Variants in BCORL1 observed in about 807,000 individuals in gnomAD.
BCORL1 encodes BCL6 corepressor like 1.
BCORL1 carries 7 observed loss-of-function variants against 87.6 expected under a neutral mutation model. The observed-to-expected ratio is 0.08, with a 90% CI of 0.05 to 0.15. The LOEUF (loss-of-function observed/expected upper bound fraction) is 0.15, where lower values mean the gene tolerates loss of function less well. Among genes scored for constraint, BCORL1 ranks in the 10% least tolerant of loss-of-function variants. The pLI, the probability that BCORL1 is intolerant of heterozygous loss-of-function variation, is 1.00. For missense variants in BCORL1, 1,215 were observed against 1,499.7 expected (o/e 0.81, Z 3.13); for synonymous variants, 591 against 634.4 (o/e 0.93, Z 1.03).
intron 13 of BCORL1, among the ~76,000 whole-genome samples, chrX:130,054,820 A>G (rs1339415224): frequency 9.0e-6 from 1 of 111,280 alleles, no homozygotes; most frequent in Non-Finnish European, 1.9e-5. Context: ...CTGAGACAGG[A>G]GAATTGCTTG....
upstream of BCORL1, among the ~76,000 whole-genome samples, chrX:129,980,375 G>A (rs1049602000): frequency 2.6e-5 from 3 of 113,224 alleles, no homozygotes; most frequent in African/African-American, 9.6e-5. Flanking sequence ...ACAGCGGCCG[G>A]GGGCTCTGCC....
At chrX:129,995,007 T>C (rs1345434762) in intron 1 of BCORL1, among the ~76,000 whole-genome samples, 1 of 110,559 alleles carries the variant, frequency 9.0e-6, no homozygotes, top group Non-Finnish European at 1.9e-5. Context: ...TCTATGGGAC[T>C]TCTTTTTTTT....
chrX:129,999,692 C>T (rs375551193), intron 1 of BCORL1, among the ~76,000 whole-genome samples: 3 of 102,441 alleles, frequency 2.9e-5, no homozygotes, highest in South Asian at 9.5e-4. Context: ...TTTCCCCCCC[C>T]CCAGACAGAG....
intron 9 of BCORL1, among the ~76,000 whole-genome samples, 158 bp from the exon 10 acceptor site, chrX:130,037,209 A>G (rs1931005142): frequency 9.0e-6 from 1 of 111,325 alleles, no homozygotes; most frequent in African/African-American, 3.3e-5. Flanking sequence ...ATTGTGGCTC[A>G]GGACTGATGT....
intron 1 of BCORL1, among the ~76,000 whole-genome samples, chrX:130,002,473 G>A (rs1928127952): frequency 1.0e-5 from 1 of 96,970 alleles, no homozygotes; most frequent in South Asian, 5.9e-4. Flanking sequence ...AGACTAGGAG[G>A]AAAAGAGACA....
intron 1 of BCORL1, among the ~76,000 whole-genome samples, chrX:130,002,991 A>T (rs757357453): frequency 9.1e-6 from 1 of 109,784 alleles, no homozygotes; most frequent in Non-Finnish European, 1.9e-5. Flanking sequence ...AAGACAAGAG[A>T]AGGGAGAGAA....
chrX:130,014,797 T>C lies in BCORL1; in HGVS notation c.2025T>C (p.Asn675=), dbSNP rs143241923. Residue 675 remains asparagine (N), a synonymous_variant, in exon 4 of 14, where the codon AAT becomes AAC. Coordinates refer to ENST00000540052, the MANE Select transcript of BCORL1 (RefSeq NM_001379451.1). The part of the protein sequence containing the change: ...SQRTTQAAGG[N]VTSCLGSTSS... ...GCACAACCCAGGCTGCCGGTGGCAA[T>C]GTCACCTCCTGCCTGGGCTCCACTT... 1.7e-4 allele frequency: 203 copies of C among 1,209,184 alleles called. 1 individual carries two copies. In the African/African-American group the frequency reaches 3.2e-3, roughly 19 times the overall value.
At chrX:130,040,130 A>G (rs1371788334) in intron 11 of BCORL1, among the ~76,000 whole-genome samples, 1 of 112,119 alleles carries the variant, frequency 8.9e-6, no homozygotes, top group Middle Eastern at 4.2e-3. Flanking sequence ...TGGGAGTTGT[A>G]TCTCTGAACC....
intron 13 of BCORL1, among the ~76,000 whole-genome samples, chrX:130,053,108 C>T (rs1299916427): frequency 8.9e-6 from 1 of 111,973 alleles, no homozygotes; most frequent in Non-Finnish European, 1.9e-5. Flanking sequence ...TGCTACACTC[C>T]AGCCTGGGCG....
chrX:130,053,994 T>C (rs1932216085), intron 13 of BCORL1, among the ~76,000 whole-genome samples: 1 of 111,981 alleles, frequency 8.9e-6, no homozygotes, highest in Admixed American at 9.5e-5. Context: ...GGGATAAGGA[T>C]CGTGGGTCTG....
chrX:130,053,199 G>A (rs1932170096), intron 13 of BCORL1, among the ~76,000 whole-genome samples: 1 of 111,731 alleles, frequency 9.0e-6, no homozygotes. Context: ...AGGATGGGGA[G>A]CTAGGTAGAC....
rs1233257874 is a variant in BCORL1 at position 130,056,038 on chromosome X, C to T, written c.5260C>T (p.Pro1754Ser). ...ERPGGLDDRS[P>S]PGSSETVELV... ...GCCTGGAGGCTTGGACGACAGATCC[C>T]CCCCAGGCTCCTCTGAGACTGTGGA... Residue 1754 changes from proline to serine, a missense_variant, in exon 14 of 14, where the codon CCC (proline) becomes TCC (serine). Coordinates refer to ENST00000540052, the MANE Select transcript of BCORL1 (RefSeq NM_001379451.1). 8.3e-7 allele frequency: 1 copy of T among 1,212,053 alleles called. No individual in the cohort carries two copies. The highest frequency in any genetic ancestry group is 1.1e-6 in the Non-Finnish European group (1 of 895,489).
At chrX:130,003,905 T>C (rs1365987595) in intron 1 of BCORL1, among the ~76,000 whole-genome samples, 1 of 111,676 alleles carries the variant, frequency 9.0e-6, no homozygotes, top group Non-Finnish European at 1.9e-5. Flanking sequence ...CTCTGAAAAT[T>C]GAAAAATGGA....
At chrX:130,024,849 T>C (rs1248673158) in intron 6 of BCORL1, 141 bp from the exon 7 acceptor site, 1 of 904,837 alleles carries the variant, frequency 1.1e-6, no homozygotes, top group Non-Finnish European at 1.5e-6. Flanking sequence ...GAAGGAACTT[T>C]CCCGAACGGT....
At chrX:130,036,782 G>T (rs746463754) in intron 9 of BCORL1, among the ~76,000 whole-genome samples, 30 of 111,989 alleles carry the variant, frequency 2.7e-4, no homozygotes, top group Non-Finnish European at 4.3e-4. Flanking sequence ...AGCTCTGGGC[G>T]GGCAGGTCAG....
At chrX:130,027,717 C>T (rs1359039266) in intron 7 of BCORL1, among the ~76,000 whole-genome samples, 1 of 112,362 alleles carries the variant, frequency 8.9e-6, no homozygotes, top group Non-Finnish European at 1.9e-5. Context: ...ATTTAATTCT[C>T]ATACCACTCT....
intron 1 of BCORL1, among the ~76,000 whole-genome samples, chrX:129,990,452 C>T (rs1395764983): frequency 9.1e-6 from 1 of 109,509 alleles, no homozygotes; most frequent in Admixed American, 9.7e-5. Context: ...AGGATGGTCT[C>T]AATCTCCTCA....
chrX:130,050,552 TCTGA>T (rs1219351999), intron 11 of BCORL1, among the ~76,000 whole-genome samples, 161 bp from the exon 12 acceptor site: 3 of 111,419 alleles, frequency 2.7e-5, no homozygotes, highest in East Asian at 2.8e-4. Flanking sequence ...GTTGGCAGTC[TCTGA>T]CTGAGAACAG....
At chrX:130,001,730 G>T (rs1336361990) in intron 1 of BCORL1, among the ~76,000 whole-genome samples, 1 of 109,990 alleles carries the variant, frequency 9.1e-6, no homozygotes, top group African/African-American at 3.3e-5. Context: ...TGGGGAAATG[G>T]CAGGATGTGG....
Sources: gnomAD v4.1 joint callset for allele counts (sites outside exome capture counted in the v4.1 genomes callset) on GRCh38, gnomAD v4.1.1 for gene constraint, MANE v1.5 for transcripts, NCBI Gene and HGNC (gene_info 2026-07-23, HGNC 2026-07-21) for gene names.